Variants in MSL3B observed in about 807,000 individuals in gnomAD.
MSL3B encodes MSL complex subunit 3 pseudogene 1.
the MSL3B span, among the ~76,000 whole-genome samples, chr2:233,864,886 A>G: frequency 6.6e-6 from 1 of 152,092 alleles, no homozygotes; most frequent in East Asian, 1.9e-4. Flanking sequence ...TGGACATGCA[A>G]GAGAATTATG....
the MSL3B span, chr2:233,866,075 C>G: frequency 6.5e-6 from 3 of 462,826 alleles, no homozygotes; most frequent in Non-Finnish European, 1.3e-5. Context: ...AATTTTTTAC[C>G]TGGAACTCAG....
At chr2:233,866,508 T>C in the MSL3B span, 3 of 1,217,626 alleles carry the variant, frequency 2.5e-6, no homozygotes, top group Non-Finnish European at 3.7e-6. Context: ...GATGATCTGC[T>C]ATGCACAGGT....
the MSL3B span, chr2:233,866,186 TAA>T: frequency 4.6e-6 from 3 of 646,526 alleles, no homozygotes; most frequent in South Asian, 4.1e-5. Flanking sequence ...GGCAGCGACG[TAA>T]GCTGACTCTG....
chr2:233,866,683 C>G, the MSL3B span: 3 of 790,038 alleles, frequency 3.8e-6, no homozygotes, highest in Non-Finnish European at 7.0e-6. Flanking sequence ...CGGCTTTGCG[C>G]CTTTTAGGGG....
At chr2:233,867,784 C>T in the MSL3B span, among the ~76,000 whole-genome samples, 1 of 137,780 alleles carries the variant, frequency 7.3e-6, no homozygotes, top group Non-Finnish European at 1.5e-5. Context: ...AGACCCTAAT[C>T]TACGATTTTT....
chr2:233,866,197 T>TG, the MSL3B span: 1 of 656,604 alleles, frequency 1.5e-6, no homozygotes, highest in South Asian at 1.4e-5. Context: ...AAGCTGACTC[T>TG]GGGAAGAAGT....
the MSL3B span, chr2:233,867,415 C>G: frequency 4.0e-6 from 2 of 502,444 alleles, no homozygotes; most frequent in Non-Finnish European, 7.2e-6. Context: ...TCTCTTGCTC[C>G]TCAGGTGAGC....
chr2:233,867,815 CAG>C, the MSL3B span, among the ~76,000 whole-genome samples: 1 of 107,466 alleles, frequency 9.3e-6, no homozygotes, highest in Non-Finnish European at 1.8e-5. Flanking sequence ...TTTTTTGAGA[CAG>C]AGTCTCACCC....
At chr2:233,866,395 TAC>T in the MSL3B span, 1 of 1,027,342 alleles carries the variant, frequency 9.7e-7, no homozygotes, top group East Asian at 2.4e-5. Context: ...AATTGTCAGG[TAC>T]GAGCTTCCAG....
At chr2:233,868,296 G>C in the MSL3B span, 1 of 270,352 alleles carries the variant, frequency 3.7e-6, no homozygotes, top group Non-Finnish European at 7.9e-6. Flanking sequence ...CTGCACGGCA[G>C]GGGAGATTTA....
At chr2:233,866,864 T>G in the MSL3B span, 1 of 1,364,026 alleles carries the variant, frequency 7.3e-7, no homozygotes, top group Non-Finnish European at 1.1e-6. Flanking sequence ...AGCTTGTTCA[T>G]AGGGATAGAG....
chr2:233,866,938 G>A, the MSL3B span: 1 of 1,455,606 alleles, frequency 6.9e-7, no homozygotes, highest in Non-Finnish European at 9.7e-7. Flanking sequence ...CCTTACAAAG[G>A]TCAATATTCT....
At chr2:233,868,204 G>C in the MSL3B span, 15 of 455,362 alleles carry the variant, frequency 3.3e-5, no homozygotes, top group Non-Finnish European at 6.8e-5. Context: ...TGCCTTTTTC[G>C]CCTTTCCCAA....
chr2:233,866,124 A>G, the MSL3B span: 2 of 584,614 alleles, frequency 3.4e-6, no homozygotes, highest in East Asian at 4.4e-5. Context: ...TTACAGAACC[A>G]TCAACACTTA....
chr2:233,866,981 G>T, the MSL3B span: 1 of 1,322,402 alleles, frequency 7.6e-7, no homozygotes, highest in Non-Finnish European at 1.1e-6. Flanking sequence ...GTTCATGCTG[G>T]CATGTGGCAT....
chr2:233,866,739 T>C, the MSL3B span: 2 of 797,452 alleles, frequency 2.5e-6, no homozygotes, highest in African/African-American at 1.7e-5. Flanking sequence ...GACTGCGGCC[T>C]GGATGGATTC....
the MSL3B span, chr2:233,866,123 C>A: frequency 1.7e-6 from 1 of 582,996 alleles, no homozygotes; most frequent in South Asian, 1.4e-5. Flanking sequence ...CTTACAGAAC[C>A]ATCAACACTT....
chr2:233,866,509 A>G, the MSL3B span: 11 of 1,219,020 alleles, frequency 9.0e-6, no homozygotes, highest in Non-Finnish European at 1.2e-5. Flanking sequence ...ATGATCTGCT[A>G]TGCACAGGTG....
the MSL3B span, chr2:233,867,971 AGTAGAGACAGAGTTTCGCCAT>A: frequency 6.0e-6 from 1 of 167,426 alleles, no homozygotes; most frequent in Non-Finnish European, 1.3e-5. Flanking sequence ...TTGTATTTTT[AGTAGAGACAGAGTTTCGCCAT>A]GTTGGCCAGG....
Sources: allele counts gnomAD v4.1 joint callset (sites outside exome capture counted in the v4.1 genomes callset), GRCh38; gene constraint gnomAD v4.1.1; transcripts MANE v1.5; gene names NCBI Gene and HGNC (gene_info 2026-07-23, HGNC 2026-07-21).